Variants in AP2B1 observed in about 807,000 individuals in gnomAD.
The protein encoded by AP2B1 is AP-2 complex subunit beta.
AP2B1 carries 23 observed loss-of-function variants against 102.0 expected under a neutral mutation model. The ratio of observed to expected loss-of-function variants is 0.23; its 90% CI spans 0.16 to 0.32. The LOEUF (loss-of-function observed/expected upper bound fraction) is 0.32. Ranked by LOEUF, AP2B1 falls within the 10% of genes least tolerant of loss-of-function variation. AP2B1 has a pLI of 1.00. For missense variants in AP2B1, 541 were observed against 1,157.4 expected, an observed-to-expected ratio of 0.47 and a Z score of 7.73; for synonymous variants, 381 against 421.2, an observed-to-expected ratio of 0.90 and a Z score of 1.17.
At chr17:35,665,400 A>G (rs368886773) in intron 14 of AP2B1, among the ~76,000 whole-genome samples, 5 of 152,180 alleles carry the variant, frequency 3.3e-5, no homozygotes, top group African/African-American at 1.2e-4. Context: ...GGCTGGGATT[A>G]TAAGTGTGAG....
At chr17:35,697,362 C>T (rs1332448702) in intron 18 of AP2B1, among the ~76,000 whole-genome samples, 2 of 152,186 alleles carry the variant, frequency 1.3e-5, no homozygotes, top group African/African-American at 2.4e-5. Context: ...TGCTAACTTA[C>T]GTCTGTATGT....
At position 35,606,966 on chromosome 17, in the gene AP2B1, C is replaced by T. The variant is rs573161570; in HGVS notation, c.279+1126C>T. Among the ~76,000 whole-genome samples, 24 of 150,678 alleles carry T rather than the reference C, an allele frequency of 1.6e-4. No homozygotes were observed. In the East Asian group the frequency reaches 3.7e-3, roughly 23 times the overall value. On this transcript the variant is annotated intron_variant, in intron 4 of 21. Coordinates refer to ENST00000610402, the MANE Select transcript of AP2B1 (RefSeq NM_001030006.2). ...TGTTGCCCGGGCTGGAGTGCAATGG[C>T]GCAATCTCAGCTCACCACAACCTCC...
chr17:35,657,898 G>A (rs766131374), intron 14 of AP2B1, 107 bp downstream of exon 14: 17 of 958,444 alleles, frequency 1.8e-5, no homozygotes, highest in Non-Finnish European at 2.3e-5. Context: ...TTGATGAGCA[G>A]TAGTGTCCTT....
chr17:35,720,579 T>A (rs1299978266), intron 21 of AP2B1, among the ~76,000 whole-genome samples: 1,601 of 61,200 alleles, frequency 0.026, 4 homozygotes, highest in Non-Finnish European at 0.034. Flanking sequence ...ATATATTTTT[T>A]TTTTTTTTTT....
chr17:35,689,415 G>T (rs867070905), intron 18 of AP2B1, among the ~76,000 whole-genome samples: 20 of 152,016 alleles, frequency 1.3e-4, no homozygotes, highest in African/African-American at 4.8e-4. Flanking sequence ...CCTGACCTTG[G>T]GTGATCCGCC....
At chr17:35,596,817 A>G (rs1487788259) in intron 2 of AP2B1, 4 of 647,694 alleles carry the variant, frequency 6.2e-6, no homozygotes, top group East Asian at 3.3e-5. Context: ...CAGCGCTGCC[A>G]GGCCCCGCAG....
At chr17:35,682,891 T>TA in intron 18 of AP2B1, 67 bp downstream of exon 18, 2 of 1,439,144 alleles carry the variant, frequency 1.4e-6, no homozygotes, top group Non-Finnish European at 1.9e-6. Flanking sequence ...TTATTATTAT[T>TA]TTTAAAGACA....
intron 18 of AP2B1, among the ~76,000 whole-genome samples, chr17:35,698,894 G>A (rs2076189407): frequency 6.6e-6 from 1 of 152,168 alleles, no homozygotes; most frequent in South Asian, 2.1e-4. Flanking sequence ...TGCCCAAATG[G>A]TGATTTTGAC....
chr17:35,692,874 T>G (rs973898572), intron 18 of AP2B1, among the ~76,000 whole-genome samples: 1 of 152,214 alleles, frequency 6.6e-6, no homozygotes, highest in African/African-American at 2.4e-5. Flanking sequence ...CCCTCTTTCT[T>G]GGCAGTGATG....
chr17:35,690,265 T>G (rs763219149), intron 18 of AP2B1, among the ~76,000 whole-genome samples: 1 of 152,244 alleles, frequency 6.6e-6, no homozygotes, highest in South Asian at 2.1e-4. Context: ...GATATTGTAC[T>G]TTTTAATTCT....
chr17:35,601,864 G>A (rs1214969439), intron 3 of AP2B1, among the ~76,000 whole-genome samples: 2 of 148,112 alleles, frequency 1.4e-5, no homozygotes, highest in African/African-American at 2.5e-5. Flanking sequence ...TGCAACCCCC[G>A]ACTCCCGGGT....
Position 35,674,268 on chromosome 17 carries a change from C to T in AP2B1, c.2271C>T (p.Thr757=), listed in dbSNP as rs747206786. 12 of 1,614,026 alleles carry T rather than the reference C, an allele frequency of 7.4e-6. No individual in the cohort carries two copies. In the African/African-American group the frequency reaches 1.3e-4, roughly 18 times the overall value. Residue 757 remains threonine, a synonymous_variant, in exon 17 of 22, where the codon ACC becomes ACT. Transcript: ENST00000610402. ...QGHIYMEMNF[T]NKALQHMTDF... is the part of the protein sequence containing the mutation. ...ACATCTATATGGAAATGAACTTCAC[C>T]AATAAAGCTCTGCAGCACATGACAG...
chr17:35,664,192 T>C (rs2075414016), intron 14 of AP2B1, among the ~76,000 whole-genome samples: 1 of 152,234 alleles, frequency 6.6e-6, no homozygotes, highest in South Asian at 2.1e-4. Context: ...AAATTTCCTA[T>C]CAAAACCACT....
rs934564293 is a variant in AP2B1 at position 35,724,694 on chromosome 17, C to T, written c.*995C>T. ...AGGCACAAAGGTTACCGCCAAGGCC[C>T]GTCAGCTGTGTAGTGGCAAAGCCGA... On this transcript the variant is annotated 3_prime_UTR_variant, in exon 22 of 22. Coordinates refer to ENST00000610402, the MANE Select transcript of AP2B1 (RefSeq NM_001030006.2). 3.3e-5 allele frequency: 5 copies of T among 152,204 alleles called. No individual in the cohort carries two copies. The highest frequency in any genetic ancestry group is 9.7e-5 in the African/African-American group (4 of 41,450). 9.4% of individuals were successfully genotyped at this position (152,204 alleles called of 1,614,324 possible). A position where few individuals can be genotyped will look rare whatever the true frequency, so the allele number is the denominator to read the frequency against.
intron 14 of AP2B1, among the ~76,000 whole-genome samples, chr17:35,669,674 T>C (rs1176978391): frequency 6.6e-6 from 1 of 152,222 alleles, no homozygotes; most frequent in Non-Finnish European, 1.5e-5. Flanking sequence ...TTAAGATTAA[T>C]TTTTAGATTT....
chr17:35,608,067 G>A, intron 4 of AP2B1, 75 bp from the exon 5 acceptor site: 1 of 1,547,576 alleles, frequency 6.5e-7, no homozygotes, highest in Non-Finnish European at 8.8e-7. Context: ...TAATTCTTTT[G>A]CAGCTTACAT....
rs774339873 is a variant in AP2B1 at position 35,674,338 on chromosome 17, C to A, written c.2324+17C>A. 6 of 1,613,370 alleles carry A rather than the reference C, an allele frequency of 3.7e-6. No individual in the cohort carries two copies. The Admixed American group carries it at 1.0e-4, about 27-fold the overall frequency. On this transcript the variant is annotated intron_variant, in intron 17 of 21. Transcript: ENST00000610402. Reference sequence around the variant, plus strand: ...CAAAAATAGGTAAGCAATCTGGGTCCCTAGCTTGATGTTGAGACAACAGTT... The same window carrying A: ...CAAAAATAGGTAAGCAATCTGGGTCACTAGCTTGATGTTGAGACAACAGTT...
Position 35,724,426 on chromosome 17 carries a change from G to C in AP2B1, c.*727G>C, listed in dbSNP as rs782140024. 3 of 152,014 alleles carry C rather than the reference G, an allele frequency of 2.0e-5. No individual in the cohort carries two copies. Among genetic ancestry groups the C allele is most frequent in the African/African-American group, 4.8e-5 (2 of 41,366 alleles). The allele number at this position is 152,014 out of a possible 1,614,324, so 9.4% of individuals were successfully genotyped here. ...GATGTTTCAGTGTGCAAAAACTATA[G>C]AGCCTGTCAGCACCAAAGCTGACAG... On this transcript the variant is annotated 3_prime_UTR_variant, in exon 22 of 22. Transcript: ENST00000610402.
intron 11 of AP2B1, 91 bp downstream of exon 11, chr17:35,639,851 G>A: frequency 8.7e-7 from 1 of 1,149,074 alleles, no homozygotes; most frequent in Non-Finnish European, 1.2e-6. Context: ...TTTCTTCTGT[G>A]TCTGTATTTA....
Sources: gnomAD v4.1 joint callset for allele counts (sites outside exome capture counted in the v4.1 genomes callset) on GRCh38, gnomAD v4.1.1 for gene constraint, MANE v1.5 for transcripts, NCBI Gene and HGNC (gene_info 2026-07-23, HGNC 2026-07-21) for gene names.